The following SP7 variants were observed in gnomAD, a reference collection of about 807,000 sequenced individuals.
SP7 encodes the protein Sp7 transcription factor, also known as transcription factor Sp7.
Under a neutral mutation model 27.9 loss-of-function variants are expected in SP7, and 13 were observed. The observed-to-expected ratio is 0.47, with a 90% confidence interval of 0.30 to 0.74. The LOEUF is 0.74. SP7 is among the 30% of genes least tolerant of loss of function. The probability of loss-of-function intolerance (pLI) is 0.06; values close to 1 mark genes in which losing one functional copy is unlikely to be tolerated. For missense variants in SP7, 525 were observed against 558.0 expected, an observed-to-expected ratio of 0.94 and a Z score of 0.60; for synonymous variants, 219 against 226.7, an observed-to-expected ratio of 0.97 and a Z score of 0.31.
chr12:53,328,643 G>A lies in SP7; in HGVS notation c.799C>T (p.Arg267Cys), dbSNP rs201666834. 3.0e-4 allele frequency: 485 copies of A among 1,609,750 alleles called. No individual in the cohort carries two copies. Among genetic ancestry groups the A allele is most frequent in the Non-Finnish European group, 3.9e-4 (456 of 1,176,914 alleles). ...SGGYGGSGAG[R>C]SSCDCPNCQE... ...CAATTAGGGCAGTCGCAGGAGGAGCGCCCTGCCCCACTGCCCCCATATCCA... is the reference window on the plus strand; with the variant it reads ...CAATTAGGGCAGTCGCAGGAGGAGCACCCTGCCCCACTGCCCCCATATCCA... Residue 267 changes from arginine to cysteine, a missense_variant, in exon 3 of 3, where the codon CGC (arginine) becomes TGC (cysteine). Physicochemically the swap from Arg to Cys is radical, Grantham distance 180. Transcript: ENST00000536324. This position sits in a 1 kb window ranked among gnomAD's most constrained non-coding sequence, Gnocchi z 5.1.
chr12:53,339,809 C>T (rs575982200), upstream of SP7, among the ~76,000 whole-genome samples: 2 of 151,962 alleles, frequency 1.3e-5, no homozygotes, highest in Middle Eastern at 3.4e-3. Flanking sequence ...CTACTTCCAT[C>T]GTCCACACCA....
In SP7 at chr12:53,344,327, C is replaced by T. The variant is rs1221242589; in HGVS notation, c.-34+787G>A. On this transcript the variant is annotated intron_variant, in intron 1 of 1. Coordinates refer to the SP7 transcript ENST00000547755. The surrounding 1 kb of genome is among the most constrained non-coding windows in gnomAD (Gnocchi z 4.6). ...GCCCTCAGTCTCCCAGAAGAACCCC[C>T]GCCTCTGCCCTCTGCCCCAATCCCT... Among the ~76,000 whole-genome samples the T allele has an allele frequency of 6.6e-6, 1 of 152,074 alleles. No homozygotes were observed. Among genetic ancestry groups the T allele is most frequent in the African/African-American group, 2.4e-5 (1 of 41,394 alleles).
upstream of SP7, among the ~76,000 whole-genome samples, chr12:53,337,244 G>C (rs1447596048): frequency 1.3e-5 from 2 of 152,152 alleles, no homozygotes; most frequent in Non-Finnish European, 2.9e-5. Flanking sequence ...GGGAACTCCT[G>C]GTTCCCTTTC....
chr12:53,340,684 G>A (rs1258169400), upstream of SP7, among the ~76,000 whole-genome samples: 5 of 152,066 alleles, frequency 3.3e-5, no homozygotes, highest in African/African-American at 4.8e-5. Context: ...GCCACTACCC[G>A]CCCATGCACC....
rs113658163 is a variant in SP7 at position 53,336,094 on chromosome 12, G to C, written c.-48+52C>G. On this transcript the variant is annotated intron_variant, in intron 1 of 2. Coordinates refer to ENST00000536324, the MANE Select transcript of SP7 (RefSeq NM_001173467.3). ...CCCCGGTGTCCTACACGCGGCAGCAGTCCCATAGGCATCTGTGGGCACCCC... is the reference window on the plus strand; with the variant it reads ...CCCCGGTGTCCTACACGCGGCAGCACTCCCATAGGCATCTGTGGGCACCCC... 5.8e-4 allele frequency: 107 copies of C among 184,162 alleles called. 1 individual carries two copies. The highest frequency in any genetic ancestry group is 2.4e-3 in the African/African-American group (101 of 42,348). 11.4% of individuals were successfully genotyped at this position (184,162 alleles called of 1,614,324 possible). A position where few individuals can be genotyped will look rare whatever the true frequency, so the allele number is the denominator to read the frequency against.
At chr12:53,335,107 G>A (rs1377762298) in intron 2 of SP7, among the ~76,000 whole-genome samples, 2 of 151,740 alleles carry the variant, frequency 1.3e-5, no homozygotes, top group Non-Finnish European at 2.9e-5. Flanking sequence ...CCACACACCA[G>A]CTCACGGGCC....
intron 2 of SP7, 41 bp from the exon 3 acceptor site, chr12:53,329,461 G>A (rs760965432): frequency 6.3e-7 from 1 of 1,580,688 alleles, no homozygotes; most frequent in South Asian, 1.1e-5. Context: ...GAGGGGAGGA[G>A]AGGTACAAAA....
Position 53,328,874 on chromosome 12 carries a change from G to A in SP7, c.568C>T (p.Pro190Ser). ...TAGGTGGGCAGCTGGGGGTTCAGTG[G>A]AGGCTGAGCTGGACCTGTGGGCAGT... The part of the protein sequence containing the change: ...GTLPTGPAQP[P>S]LNPQLPTYPS... Residue 190 changes from proline (P) to serine (S), a missense_variant, in exon 3 of 3, where the codon CCA becomes TCA. Physicochemically the swap from Pro to Ser is moderately conservative, Grantham distance 74. Coordinates refer to ENST00000536324, the MANE Select transcript of SP7 (RefSeq NM_001173467.3). This position sits in a 1 kb window ranked among gnomAD's most constrained non-coding sequence, Gnocchi z 5.1. 1.2e-6 allele frequency: 2 copies of A among 1,607,814 alleles called. No homozygotes were observed. The highest frequency in any genetic ancestry group is 2.2e-5 in the East Asian group (1 of 44,734).
chr12:53,341,910 A>G (rs1329704263), intron 1 of SP7, among the ~76,000 whole-genome samples: 1 of 152,116 alleles, frequency 6.6e-6, no homozygotes, highest in Non-Finnish European at 1.5e-5. Context: ...AATACAAAAA[A>G]TTAGCCGGGC....
chr12:53,328,982 T>C lies in SP7; in HGVS notation c.460A>G (p.Thr154Ala). The change falls in exon 3 of 3, where the codon ACT (threonine) becomes GCT (alanine). Residue 154 changes from threonine (T) to alanine (A), a missense_variant. By Grantham distance (58) the Thr-to-Ala change is moderately conservative. Coordinates refer to ENST00000536324, the MANE Select transcript of SP7 (RefSeq NM_001173467.3). The surrounding 1 kb of genome is among the most constrained non-coding windows in gnomAD (Gnocchi z 5.1). ...HAGISPGPGN[T>A]PTPWWDMHPG... ...TGCATATCCCACCATGGAGTAGGAG[T>C]GTTGCCTGGGCCTGGTGAAATGCCT... is the stretch of plus-strand genomic sequence containing the variant. 1 of 1,612,368 alleles carries C rather than the reference T, an allele frequency of 6.2e-7. No individual in the cohort carries two copies. Among genetic ancestry groups the C allele is most frequent in the Non-Finnish European group, 8.5e-7 (1 of 1,179,282 alleles).
At chr12:53,342,686 G>A (rs1394323283) in intron 1 of SP7, among the ~76,000 whole-genome samples, 2 of 151,978 alleles carry the variant, frequency 1.3e-5, no homozygotes, top group East Asian at 3.9e-4. Context: ...TGTGGTGGCA[G>A]ATGCCTGTAA....
Position 53,327,316 on chromosome 12 carries a change from C to T in SP7, c.*830G>A, listed in dbSNP as rs1944643158. The stretch of plus-strand genomic sequence containing the variant: ...GTAGAGACTTCATTACAAGAGAAAC[C>T]CTATCAACTGAGATTCTGATGATAG... On this transcript the variant is annotated 3_prime_UTR_variant, in exon 3 of 3. Coordinates refer to ENST00000536324, the MANE Select transcript of SP7 (RefSeq NM_001173467.3). 1 of 152,566 alleles carries T rather than the reference C, an allele frequency of 6.6e-6. No homozygotes were observed. 9.5% of individuals were successfully genotyped at this position (152,566 alleles called of 1,614,324 possible).
chr12:53,333,131 G>A (rs985449896), intron 2 of SP7, among the ~76,000 whole-genome samples: 2 of 152,152 alleles, frequency 1.3e-5, no homozygotes, highest in Non-Finnish European at 2.9e-5. Context: ...AGAATGCTCT[G>A]GGGGCTACAG....
At chr12:53,339,331 C>T (rs1257623929), upstream of SP7, among the ~76,000 whole-genome samples, 2 of 152,192 alleles carry the variant, frequency 1.3e-5, no homozygotes, top group Non-Finnish European at 2.9e-5. Context: ...TCAGGGTGGG[C>T]TTTGTAGGTT....
chr12:53,344,156 A>C lies in SP7; in HGVS notation c.-34+958T>G, dbSNP rs368379450. Among the ~76,000 whole-genome samples, 1 of 152,156 alleles carries C rather than the reference A, an allele frequency of 6.6e-6. No individual in the cohort carries two copies. The highest frequency in any genetic ancestry group is 1.9e-4 in the East Asian group (1 of 5,192). On this transcript the variant is annotated intron_variant, in intron 1 of 1. Transcript: ENST00000547755. The surrounding 1 kb of genome is among the most constrained non-coding windows in gnomAD (Gnocchi z 4.6). The stretch of plus-strand genomic sequence containing the variant: ...TGTGAGGGGTGAGTAGTCACACATG[A>C]CTTCCCTTGATCTGTGTGTTGATGT...
chr12:53,339,096 C>A (rs551147113), upstream of SP7, among the ~76,000 whole-genome samples: 2 of 152,130 alleles, frequency 1.3e-5, no homozygotes, highest in Non-Finnish European at 2.9e-5. Flanking sequence ...GTAGAGGCTG[C>A]GGCTCTGGTC....
intron 2 of SP7, among the ~76,000 whole-genome samples, chr12:53,330,466 C>T (rs547058469): frequency 6.6e-6 from 1 of 152,320 alleles, no homozygotes; most frequent in Non-Finnish European, 1.5e-5. Context: ...CCAAGCGATC[C>T]TCCACCCTCA....
upstream of SP7, among the ~76,000 whole-genome samples, chr12:53,339,749 A>G (rs1051550474): frequency 4.0e-5 from 6 of 151,758 alleles, no homozygotes; most frequent in Non-Finnish European, 1.5e-5. Context: ...AAGAAAGAAA[A>G]AAAAAACTGG....
chr12:53,343,980 G>A (rs1016294627), intron 1 of SP7, among the ~76,000 whole-genome samples: 1 of 152,034 alleles, frequency 6.6e-6, no homozygotes, highest in Non-Finnish European at 1.5e-5. Context: ...CCTGGGAGGC[G>A]GAGGTTGCAG....
Sources: allele counts gnomAD v4.1 joint callset (sites outside exome capture counted in the v4.1 genomes callset), GRCh38; gene constraint gnomAD v4.1.1; non-coding constraint Gnocchi (gnomAD v3.1); transcripts MANE v1.5; gene names NCBI Gene and HGNC (gene_info 2026-07-23, HGNC 2026-07-21).